Variants in RYR3 observed in about 807,000 individuals in gnomAD.
RYR3 encodes the protein ryanodine receptor 3, also known as brain ryanodine receptor-calcium release channel.
Under a neutral mutation model 584.3 loss-of-function variants are expected in RYR3, and 207 were observed. The ratio of observed to expected loss-of-function variants is 0.35; its 90% CI spans 0.32 to 0.40. The LOEUF (loss-of-function observed/expected upper bound fraction) is 0.40. Among genes scored for constraint, RYR3 ranks in the 10% least tolerant of loss-of-function variants. The pLI is 1.00. For synonymous variants in RYR3, 2,416 were observed against 2,248.5 expected (o/e 1.07, Z -2.11); for missense variants, 5,616 against 6,089.2 (o/e 0.92, Z 2.59).
chr15:33,554,145 A>G (rs2056893565), intron 10 of RYR3, among the ~76,000 whole-genome samples: 1 of 152,104 alleles, frequency 6.6e-6, no homozygotes, highest in Non-Finnish European at 1.5e-5. Context: ...GCCCTGGATG[A>G]CAAGGACCAC....
At chr15:33,486,040 A>G (rs950941782) in intron 2 of RYR3, among the ~76,000 whole-genome samples, 1 of 140,190 alleles carries the variant, frequency 7.1e-6, no homozygotes, top group Non-Finnish European at 1.6e-5. Flanking sequence ...AGTAGAGGAC[A>G]TAGAAACAAC....
chr15:33,521,901 T>G (rs1343262501), intron 3 of RYR3, among the ~76,000 whole-genome samples: 1 of 152,110 alleles, frequency 6.6e-6, no homozygotes, highest in Non-Finnish European at 1.5e-5. Flanking sequence ...TCACTGAATT[T>G]GGGGGAAGTA....
At chr15:33,817,167 C>T (rs575054868) in intron 75 of RYR3, among the ~76,000 whole-genome samples, 6 of 152,164 alleles carry the variant, frequency 3.9e-5, no homozygotes, top group Non-Finnish European at 8.8e-5. Flanking sequence ...ATACTGTCAT[C>T]GTCCTCCTCA....
chr15:33,598,107 C>T (rs75221326), intron 16 of RYR3, among the ~76,000 whole-genome samples: 9,810 of 150,826 alleles, frequency 0.065, 365 homozygotes, highest in African/African-American at 0.076. Flanking sequence ...TTTTCTTGAG[C>T]CAAATTAAAC....
intron 16 of RYR3, among the ~76,000 whole-genome samples, chr15:33,590,300 G>A (rs139769482): frequency 7.2e-5 from 11 of 152,294 alleles, no homozygotes; most frequent in Admixed American, 1.3e-4. Flanking sequence ...CAGGGGATAC[G>A]TTGGCTTAGC....
intron 8 of RYR3, among the ~76,000 whole-genome samples, chr15:33,545,542 G>A (rs2056172517): frequency 6.6e-6 from 1 of 152,120 alleles, no homozygotes; most frequent in Non-Finnish European, 1.5e-5. Flanking sequence ...TTATAAGGAA[G>A]CGTGAAGGGT....
intron 3 of RYR3, among the ~76,000 whole-genome samples, chr15:33,515,945 G>A (rs1474405217): frequency 6.6e-6 from 1 of 152,046 alleles, no homozygotes; most frequent in Non-Finnish European, 1.5e-5. Flanking sequence ...ATTTACACTT[G>A]TCTTTCCAAA....
At chr15:33,804,623 T>C (rs1334289379) in intron 69 of RYR3, among the ~76,000 whole-genome samples, 1 of 152,244 alleles carries the variant, frequency 6.6e-6, no homozygotes, top group African/African-American at 2.4e-5. Context: ...GACAAAAAGA[T>C]ACCATGCCTC....
At chr15:33,666,825 C>G (rs1037261538) in intron 36 of RYR3, among the ~76,000 whole-genome samples, 1 of 152,166 alleles carries the variant, frequency 6.6e-6, no homozygotes, top group Non-Finnish European at 1.5e-5. Flanking sequence ...AAGGGCATGA[C>G]CTGCAGTGGA....
Position 33,832,167 on chromosome 15 carries a change from G to A in RYR3, c.11463+1076G>A, listed in dbSNP as rs144742304. ...AAATTAGCCAGGCATGGTGTCGTGC[G>A]CGTGTAGTACCCGCTACTCGGGAGC... is the stretch of plus-strand genomic sequence containing the variant. On this transcript the variant is annotated intron_variant, in intron 86 of 103. Coordinates refer to ENST00000634891, the MANE Select transcript of RYR3 (RefSeq NM_001036.6). Among the ~76,000 whole-genome samples, 38 of 151,960 alleles carry A rather than the reference G, an allele frequency of 2.5e-4. No individual in the cohort carries two copies. The East Asian group carries it at 6.2e-3, about 25-fold the overall frequency.
chr15:33,342,830 TCA>T (rs1418419022), intron 1 of RYR3, among the ~76,000 whole-genome samples: 3 of 152,156 alleles, frequency 2.0e-5, no homozygotes, highest in African/African-American at 7.2e-5. Flanking sequence ...TCTTATTAAC[TCA>T]CAGCCCAGAA....
intron 2 of RYR3, among the ~76,000 whole-genome samples, chr15:33,476,236 G>A (rs991901922): frequency 2.0e-5 from 3 of 152,202 alleles, no homozygotes; most frequent in Admixed American, 1.3e-4. Flanking sequence ...AAACAACAGT[G>A]TGTTGTAATC....
At chr15:33,515,890 GTA>G (rs1289365376) in intron 3 of RYR3, among the ~76,000 whole-genome samples, 2 of 151,928 alleles carry the variant, frequency 1.3e-5, no homozygotes, top group African/African-American at 2.4e-5. Flanking sequence ...AGTATTTTGC[GTA>G]TGTGTGTGTG....
intron 43 of RYR3, among the ~76,000 whole-genome samples, chr15:33,720,912 T>C (rs536271930): frequency 4.5e-4 from 68 of 152,274 alleles, no homozygotes; most frequent in Non-Finnish European, 8.4e-4. Flanking sequence ...ACTTCTAAGT[T>C]GATTCATAAA....
chr15:33,423,097 T>C (rs2044354829), intron 1 of RYR3, among the ~76,000 whole-genome samples: 4 of 152,176 alleles, frequency 2.6e-5, no homozygotes. Flanking sequence ...CCATCACCAC[T>C]ATTCCCAAAA....
chr15:33,736,023 G>A (rs565393321), intron 48 of RYR3, among the ~76,000 whole-genome samples: 46 of 152,148 alleles, frequency 3.0e-4, no homozygotes, highest in East Asian at 7.7e-4. Flanking sequence ...ATTCCACTTC[G>A]GGTATCCCAA....
chr15:33,789,066 G>A (rs972879339), intron 67 of RYR3, among the ~76,000 whole-genome samples: 3 of 152,132 alleles, frequency 2.0e-5, no homozygotes, highest in Non-Finnish European at 4.4e-5. Flanking sequence ...CTGGGGCGGG[G>A]GTGTTGCAGG....
intron 38 of RYR3, among the ~76,000 whole-genome samples, chr15:33,684,794 A>G (rs554994900): frequency 5.9e-5 from 9 of 152,334 alleles, no homozygotes; most frequent in Admixed American, 5.9e-4. Context: ...GGGGGCCAAT[A>G]TTCAACATTC....
At chr15:33,596,387 C>G (rs750625275) in intron 16 of RYR3, among the ~76,000 whole-genome samples, 1 of 150,750 alleles carries the variant, frequency 6.6e-6, no homozygotes, top group African/African-American at 2.4e-5. Flanking sequence ...AGATTATTCA[C>G]GAAAACTGTG....
Sources: allele counts gnomAD v4.1 joint callset (sites outside exome capture counted in the v4.1 genomes callset), GRCh38; gene constraint gnomAD v4.1.1; transcripts MANE v1.5; gene names NCBI Gene and HGNC (gene_info 2026-07-23, HGNC 2026-07-21).